Variants in IL1RAPL2 observed in about 807,000 individuals in gnomAD.
The protein encoded by IL1RAPL2 is interleukin 1 receptor accessory protein like 2, also known as X-linked interleukin-1 receptor accessory protein-like 2.
IL1RAPL2 carries 3 observed loss-of-function variants against 44.1 expected under a neutral mutation model. The observed-to-expected ratio is 0.07, with a 90% CI of 0.03 to 0.18. The LOEUF (loss-of-function observed/expected upper bound fraction) is 0.18, where lower values mean the gene tolerates loss of function less well. Among genes scored for constraint, IL1RAPL2 ranks in the 10% least tolerant of loss-of-function variants. The pLI is 1.00. For synonymous variants in IL1RAPL2, 181 were observed against 178.8 expected, an observed-to-expected ratio of 1.01 and a Z score of -0.10; for missense variants, 391 against 496.4, an observed-to-expected ratio of 0.79 and a Z score of 2.02.
chrX:105,335,049 A>G (rs2035017479), intron 5 of IL1RAPL2, among the ~76,000 whole-genome samples: 1 of 111,350 alleles, frequency 9.0e-6, no homozygotes, highest in African/African-American at 3.3e-5. Flanking sequence ...AGTAAAGCCT[A>G]AAGGTACAAT....
chrX:104,981,071 GTGTGTGTGTGTGTGTGTGTT>G (rs2030429195), intron 2 of IL1RAPL2, among the ~76,000 whole-genome samples: 1 of 108,576 alleles, frequency 9.2e-6, no homozygotes, highest in Non-Finnish European at 1.9e-5. Flanking sequence ...GTGTGTGTGT[GTGTGTGTGTGTGTGTGTGTT>G]TGTGTGTGTG....
In IL1RAPL2 at chrX:105,454,898, G is replaced by A. The variant is rs568489264; in HGVS notation, c.698-29415G>A. 4.9e-4 allele frequency among the ~76,000 whole-genome samples: 50 copies of A among 101,231 alleles called. No homozygotes were observed. The Middle Eastern group carries it at 0.02, about 40-fold the overall frequency. The allele number at this position is 101,231 out of a possible 115,157, so 87.9% of individuals were successfully genotyped here. ...CTATCCCCAGCAAAGCCATGCTACA[G>A]TCTTAAAAACTGCCCACAGCCCAGA... On this transcript the variant is annotated intron_variant, in intron 5 of 10. Coordinates refer to ENST00000372582, the MANE Select transcript of IL1RAPL2 (RefSeq NM_017416.2).
chrX:104,839,288 G>T (rs895904927), intron 2 of IL1RAPL2, among the ~76,000 whole-genome samples: 3 of 111,396 alleles, frequency 2.7e-5, no homozygotes, highest in African/African-American at 9.8e-5. Flanking sequence ...AGTATGAAGG[G>T]ATTTGAATTT....
intron 6 of IL1RAPL2, among the ~76,000 whole-genome samples, chrX:105,685,721 G>A (rs1481525664): frequency 1.8e-5 from 2 of 111,072 alleles, no homozygotes; most frequent in African/African-American, 6.6e-5. Flanking sequence ...GATACTCCTC[G>A]AGAAGAGCAA....
intron 2 of IL1RAPL2, among the ~76,000 whole-genome samples, chrX:105,087,946 C>A (rs2032498437): frequency 8.9e-6 from 1 of 111,950 alleles, no homozygotes; most frequent in South Asian, 3.7e-4. Context: ...GTTTATGAAT[C>A]CTGCCATAGT....
At chrX:105,105,015 T>A (rs2147562023) in intron 2 of IL1RAPL2, among the ~76,000 whole-genome samples, 1 of 112,310 alleles carries the variant, frequency 8.9e-6, no homozygotes, top group African/African-American at 3.2e-5. Flanking sequence ...CACAATTACA[T>A]GTCTTGTTCA....
chrX:104,709,007 C>T (rs1931407568), intron 2 of IL1RAPL2, among the ~76,000 whole-genome samples: 1 of 111,198 alleles, frequency 9.0e-6, no homozygotes, highest in Non-Finnish European at 1.9e-5. Context: ...GGATAATCTG[C>T]CCTTTCAGAT....
In IL1RAPL2 at chrX:105,425,968, C is replaced by A. The variant is rs1331678180; in HGVS notation, c.698-58345C>A. Among the ~76,000 whole-genome samples the A allele has an allele frequency of 7.4e-5, 8 of 108,813 alleles. No individual in the cohort carries two copies. In the South Asian group the frequency reaches 2.0e-3, roughly 28 times the overall value. The allele number at this position is 108,813 out of a possible 115,157, so 94.5% of individuals were successfully genotyped here. ...TACTGTCTGTAACACTTGTCTATTT[C>A]TGCCAAAACATGTATCAAAATCTGT... On this transcript the variant is annotated intron_variant, in intron 5 of 10. Coordinates refer to ENST00000372582, the MANE Select transcript of IL1RAPL2 (RefSeq NM_017416.2).
intron 2 of IL1RAPL2, among the ~76,000 whole-genome samples, chrX:104,978,341 T>G (rs1367845815): frequency 9.0e-6 from 1 of 111,614 alleles, no homozygotes; most frequent in African/African-American, 3.3e-5. Flanking sequence ...TTGGTAATAT[T>G]TCTAAGTTGG....
At chrX:105,725,725 A>G (rs767636384) in intron 7 of IL1RAPL2, among the ~76,000 whole-genome samples, 2 of 111,738 alleles carry the variant, frequency 1.8e-5, no homozygotes, top group Non-Finnish European at 3.8e-5. Context: ...TTCTCACACA[A>G]TTTTTAATGT....
intron 2 of IL1RAPL2, among the ~76,000 whole-genome samples, chrX:104,682,334 G>A (rs1190603260): frequency 8.9e-6 from 1 of 112,345 alleles, no homozygotes; most frequent in Admixed American, 9.5e-5. Context: ...GTGCTAGTTG[G>A]TAGACTATAT....
chrX:105,725,433 T>G (rs1002004216), intron 7 of IL1RAPL2, among the ~76,000 whole-genome samples: 1 of 111,863 alleles, frequency 8.9e-6, no homozygotes, highest in Middle Eastern at 4.6e-3. Flanking sequence ...TCACTGCTGC[T>G]TTTTACCACT....
intron 2 of IL1RAPL2, among the ~76,000 whole-genome samples, chrX:104,659,291 C>T (rs1170601879): frequency 1.8e-5 from 2 of 111,827 alleles, no homozygotes; most frequent in African/African-American, 6.5e-5. Flanking sequence ...TGGGAGCAAA[C>T]ATTTACAAAT....
At chrX:104,728,581 G>A (rs1384783423) in intron 2 of IL1RAPL2, among the ~76,000 whole-genome samples, 2 of 110,879 alleles carry the variant, frequency 1.8e-5, no homozygotes, top group Non-Finnish European at 3.8e-5. Flanking sequence ...GATAGGGTGC[G>A]CACCTAATAC....
In IL1RAPL2 at chrX:105,447,816, A is replaced by G. The variant is rs866864254; in HGVS notation, c.698-36497A>G. On this transcript the variant is annotated intron_variant, in intron 5 of 10. Transcript: ENST00000372582. ...ATAAATATATTATACATATAAATATATAAATATATATAAATATATTATACA... is the reference window on the plus strand; with the variant it reads ...ATAAATATATTATACATATAAATATGTAAATATATATAAATATATTATACA... Among the ~76,000 whole-genome samples the G allele has an allele frequency of 3.3e-5, 3 of 91,231 alleles. No individual in the cohort carries two copies. In the Admixed American group the frequency reaches 4.3e-4, roughly 13 times the overall value. 79.2% of individuals were successfully genotyped at this position (91,231 alleles called of 115,157 possible).
intron 6 of IL1RAPL2, among the ~76,000 whole-genome samples, chrX:105,669,213 G>C (rs376256173): frequency 9.0e-6 from 1 of 111,587 alleles, no homozygotes; most frequent in East Asian, 2.8e-4. Flanking sequence ...AGCAGGGTGG[G>C]TGTTTCTTAA....
intron 2 of IL1RAPL2, among the ~76,000 whole-genome samples, chrX:105,084,686 T>C (rs915809250): frequency 7.9e-4 from 89 of 112,058 alleles, no homozygotes; most frequent in African/African-American, 2.7e-3. Context: ...GACTTCTGAG[T>C]TAATGCTGAA....
intron 1 of IL1RAPL2, among the ~76,000 whole-genome samples, chrX:104,591,625 C>CT (rs35851660): frequency 1.3e-3 from 110 of 83,207 alleles, no homozygotes; most frequent in African/African-American, 3.4e-3. Context: ...CCTTCTGTGG[C>CT]TTTTTTTTTT....
intron 6 of IL1RAPL2, among the ~76,000 whole-genome samples, chrX:105,686,380 C>CAAAAAAAAAAAAAAAAA (rs1177667576): frequency 1.2e-4 from 3 of 25,161 alleles, no homozygotes; most frequent in African/African-American, 3.5e-4. Flanking sequence ...AAATGGAAAG[C>CAAAAAAAAAAAAAAAAA]AAAAAAAAAA....
Sources: gnomAD v4.1 joint callset for allele counts (sites outside exome capture counted in the v4.1 genomes callset) on GRCh38, gnomAD v4.1.1 for gene constraint, MANE v1.5 for transcripts, NCBI Gene and HGNC (gene_info 2026-07-23, HGNC 2026-07-21) for gene names.